THSD7A: variants seen among roughly 807,000 people sequenced by gnomAD.
The protein encoded by THSD7A is thrombospondin type 1 domain containing 7A.
Under a neutral mutation model 231.3 loss-of-function variants are expected in THSD7A, and 96 were observed. The ratio of observed to expected loss-of-function variants is 0.41; its 90% confidence interval spans 0.35 to 0.49. THSD7A has a LOEUF of 0.49. Among genes scored for constraint, THSD7A ranks in the 20% least tolerant of loss-of-function variants. The pLI, the probability that THSD7A is intolerant of heterozygous loss-of-function variation, is 0.05. For missense variants in THSD7A, 2,290 were observed against 2,070.2 expected (o/e 1.11, Z -2.06); for synonymous variants, 940 against 743.3 (o/e 1.26, Z -4.30).
chr7:11,498,700 C>G (rs1227102825), intron 6 of THSD7A, among the ~76,000 whole-genome samples: 2 of 152,158 alleles, frequency 1.3e-5, no homozygotes, highest in Admixed American at 6.5e-5. Context: ...ACTAGGGTCT[C>G]CAGCCACTTC....
intron 4 of THSD7A, among the ~76,000 whole-genome samples, chr7:11,569,817 T>G (rs1790542811): frequency 6.6e-6 from 1 of 152,226 alleles, no homozygotes; most frequent in Admixed American, 6.5e-5. Flanking sequence ...ATTTGGTACA[T>G]GTACACAATG....
intron 1 of THSD7A, among the ~76,000 whole-genome samples, chr7:11,655,272 C>T (rs1027694399): frequency 2.0e-5 from 3 of 151,832 alleles, no homozygotes; most frequent in Non-Finnish European, 4.4e-5. Context: ...TTGTTAGGAT[C>T]CACAAGTATG....
chr7:11,497,317 G>A (rs975753373), intron 6 of THSD7A, among the ~76,000 whole-genome samples: 2 of 152,264 alleles, frequency 1.3e-5, no homozygotes, highest in Admixed American at 1.3e-4. Flanking sequence ...ATGAGATTTG[G>A]TTGAGGACAC....
chr7:11,713,828 G>A (rs1343677073), intron 1 of THSD7A, among the ~76,000 whole-genome samples: 1 of 151,108 alleles, frequency 6.6e-6, no homozygotes, highest in African/African-American at 2.4e-5. Context: ...GTCTTAAAAT[G>A]ACTTATATTT....
chr7:11,674,815 T>C lies in THSD7A; in HGVS notation c.191-37854A>G, dbSNP rs369526213. Among the ~76,000 whole-genome samples, 63 of 152,170 alleles carry C rather than the reference T, an allele frequency of 4.1e-4. No homozygotes were observed. The South Asian group carries it at 9.1e-3, about 22-fold the overall frequency. ...ACCCTAGCAATGGATTCTAACCAGA[T>C]TGAAATGTCTGAAATAACAGACACA... On this transcript the variant is annotated intron_variant, in intron 1 of 27. Coordinates refer to ENST00000423059, the MANE Select transcript of THSD7A (RefSeq NM_015204.3).
intron 1 of THSD7A, among the ~76,000 whole-genome samples, chr7:11,686,493 T>C (rs918083091): frequency 2.0e-5 from 3 of 151,936 alleles, no homozygotes; most frequent in East Asian, 1.9e-4. Flanking sequence ...CAGACTTTCA[T>C]ATGGCTCAAC....
intron 1 of THSD7A, among the ~76,000 whole-genome samples, chr7:11,705,084 A>G (rs1780721472): frequency 6.6e-6 from 1 of 151,090 alleles, no homozygotes. Flanking sequence ...ACTTATATAG[A>G]GAGAGGAAGA....
At chr7:11,824,726 A>T (rs1404523587) in intron 1 of THSD7A, among the ~76,000 whole-genome samples, 9 of 152,160 alleles carry the variant, frequency 5.9e-5, no homozygotes, top group Non-Finnish European at 1.5e-5. Context: ...AGAAAAAAAG[A>T]CAAGACACAA....
chr7:11,546,099 C>A (rs1198209045), intron 4 of THSD7A, among the ~76,000 whole-genome samples: 1 of 152,118 alleles, frequency 6.6e-6, no homozygotes, highest in Non-Finnish European at 1.5e-5. Context: ...AGAGCTTCTG[C>A]AGATGGACCC....
chr7:11,497,728 G>C (rs540600760), intron 6 of THSD7A, among the ~76,000 whole-genome samples: 12 of 152,202 alleles, frequency 7.9e-5, no homozygotes, highest in Admixed American at 3.9e-4. Flanking sequence ...AGGAACAGAA[G>C]GGCAAGTAAA....
chr7:11,783,409 G>A (rs1233783413), intron 1 of THSD7A, among the ~76,000 whole-genome samples: 9 of 150,656 alleles, frequency 6.0e-5, no homozygotes, highest in Admixed American at 1.3e-4. Context: ...CCTGCTGAAC[G>A]TGTATCACTC....
chr7:11,380,736 T>C (rs1583637146), intron 24 of THSD7A, among the ~76,000 whole-genome samples: 2 of 152,158 alleles, frequency 1.3e-5, no homozygotes, highest in Admixed American at 1.3e-4. Context: ...TGCTTGTCTA[T>C]TTGTCATAAA....
chr7:11,734,352 G>A (rs2128158407), intron 1 of THSD7A, among the ~76,000 whole-genome samples: 1 of 151,882 alleles, frequency 6.6e-6, no homozygotes. Context: ...AAAATAAAGT[G>A]CAAATTACTG....
Position 11,557,545 on chromosome 7 carries a change from C to T in THSD7A, c.1454-14428G>A, listed in dbSNP as rs527812989. Among the ~76,000 whole-genome samples, 30 of 152,146 alleles carry T rather than the reference C, an allele frequency of 2.0e-4. No individual in the cohort carries two copies. In the South Asian group the frequency reaches 6.0e-3, roughly 31 times the overall value. On this transcript the variant is annotated intron_variant, in intron 4 of 27. Coordinates refer to ENST00000423059, the MANE Select transcript of THSD7A (RefSeq NM_015204.3). ...TTTGATTGAAACCCAGACATTTTTGCCTCATGTCACAAGACTCTAGATCTT... is the reference window on the plus strand; with the variant it reads ...TTTGATTGAAACCCAGACATTTTTGTCTCATGTCACAAGACTCTAGATCTT...
chr7:11,457,935 T>C (rs2128297344), intron 11 of THSD7A, among the ~76,000 whole-genome samples: 1 of 152,268 alleles, frequency 6.6e-6, no homozygotes, highest in East Asian at 1.9e-4. Flanking sequence ...AGTTTCAGTC[T>C]TTAATTCTTG....
intron 6 of THSD7A, among the ~76,000 whole-genome samples, chr7:11,532,290 A>T (rs1788740991): frequency 6.6e-6 from 1 of 152,168 alleles, no homozygotes; most frequent in Non-Finnish European, 1.5e-5. Flanking sequence ...AAGAATTGTG[A>T]AAAAATGAAA....
At chr7:11,498,110 G>A (rs1488809297) in intron 6 of THSD7A, among the ~76,000 whole-genome samples, 2 of 152,140 alleles carry the variant, frequency 1.3e-5, no homozygotes, top group Non-Finnish European at 2.9e-5. Context: ...ATCAAAGTGG[G>A]AGCTTAGACT....
chr7:11,786,759 TAAAA>T (rs58923353), intron 1 of THSD7A, among the ~76,000 whole-genome samples: 45 of 108,674 alleles, frequency 4.1e-4, no homozygotes, highest in African/African-American at 1.0e-3. Context: ...AGTATAATAA[TAAAA>T]AAAAAAAAAA....
At chr7:11,535,384 T>G (rs908349300) in intron 6 of THSD7A, among the ~76,000 whole-genome samples, 1 of 151,982 alleles carries the variant, frequency 6.6e-6, no homozygotes, top group African/African-American at 2.4e-5. Flanking sequence ...GTTTTTATAG[T>G]CCAAAATAAA....
Sources: gnomAD v4.1 joint callset for allele counts (sites outside exome capture counted in the v4.1 genomes callset) on GRCh38, gnomAD v4.1.1 for gene constraint, MANE v1.5 for transcripts, NCBI Gene and HGNC (gene_info 2026-07-23, HGNC 2026-07-21) for gene names.